RAB22A: variants seen among roughly 807,000 people sequenced by gnomAD.
The protein encoded by RAB22A is RAB22A, member RAS oncogene family.
In RAB22A, 13 loss-of-function variants were observed where a neutral mutation model predicts 30.2. That is an observed-to-expected ratio of 0.43 (90% confidence interval 0.28 to 0.68). The LOEUF (loss-of-function observed/expected upper bound fraction) is 0.68. RAB22A is among the 30% of genes least tolerant of loss of function. RAB22A has a pLI of 0.18. For missense variants in RAB22A, 177 were observed against 246.8 expected, an observed-to-expected ratio of 0.72 and a Z score of 1.89; for synonymous variants, 89 against 87.2, an observed-to-expected ratio of 1.02 and a Z score of -0.11.
chr20:58,359,728 A>G lies in RAB22A; in HGVS notation c.*25A>G, dbSNP rs1303960849. 1 of 1,566,190 alleles carries G rather than the reference A, an allele frequency of 6.4e-7. No homozygotes were observed. Among genetic ancestry groups the G allele is most frequent in the Admixed American group, 1.7e-5 (1 of 59,646 alleles). ...ACCGAACCTCAGCCTCTCAGACTTGATGATGAAGTAGGTGGTCCTGAAAGT... is the reference window on the plus strand; with the variant it reads ...ACCGAACCTCAGCCTCTCAGACTTGGTGATGAAGTAGGTGGTCCTGAAAGT... On this transcript the variant is annotated 3_prime_UTR_variant, in exon 7 of 7. Coordinates refer to ENST00000244040, the MANE Select transcript of RAB22A (RefSeq NM_020673.3).
chr20:58,331,790 A>G (rs1317427359), intron 2 of RAB22A, among the ~76,000 whole-genome samples: 1 of 152,008 alleles, frequency 6.6e-6, no homozygotes, highest in Admixed American at 6.6e-5. Context: ...TTTCTTGCAT[A>G]GTCTGTGTCT....
At position 58,363,826 on chromosome 20, in the gene RAB22A, G is replaced by C. The variant is rs958947868; in HGVS notation, c.*4123G>C. On this transcript the variant is annotated 3_prime_UTR_variant, in exon 7 of 7. Coordinates refer to ENST00000244040, the MANE Select transcript of RAB22A (RefSeq NM_020673.3). The stretch of plus-strand genomic sequence containing the variant: ...TAGGATATTTGTTTTAACTCCTGCT[G>C]TGCTGTGATTTAAAAAAAAATAGTC... The C allele has an allele frequency of 1.3e-5, 2 of 152,110 alleles. No individual in the cohort carries two copies. Among genetic ancestry groups the C allele is most frequent in the Admixed American group, 1.3e-4 (2 of 15,272 alleles). The allele number at this position is 152,110 out of a possible 1,614,324, so 9.4% of individuals were successfully genotyped here.
chr20:58,313,384 C>T (rs1264027930), intron 2 of RAB22A, among the ~76,000 whole-genome samples: 1 of 152,104 alleles, frequency 6.6e-6, no homozygotes, highest in Non-Finnish European at 1.5e-5. Context: ...GTGACCAACC[C>T]CAAACATGCC....
chr20:58,317,789 G>A (rs962081367), intron 2 of RAB22A, among the ~76,000 whole-genome samples: 1 of 150,586 alleles, frequency 6.6e-6, no homozygotes, highest in Admixed American at 6.6e-5. Context: ...CTCGTGATCC[G>A]CCTGCCTTGG....
At chr20:58,311,844 T>C (rs1472464944) in intron 2 of RAB22A, among the ~76,000 whole-genome samples, 1 of 152,238 alleles carries the variant, frequency 6.6e-6, no homozygotes, top group Admixed American at 6.5e-5. Flanking sequence ...AAATTGGCCT[T>C]TGTGCTCCAT....
At chr20:58,331,766 A>G (rs1211095238) in intron 2 of RAB22A, among the ~76,000 whole-genome samples, 1 of 151,920 alleles carries the variant, frequency 6.6e-6, no homozygotes, top group Non-Finnish European at 1.5e-5. Context: ...CACCCCTAAA[A>G]TGTCACAACA....
At position 58,328,270 on chromosome 20, in the gene RAB22A, C is replaced by A. The variant is rs6100025; in HGVS notation, c.117-15448C>A. Among the ~76,000 whole-genome samples the A allele has an allele frequency of 7.4e-3, 1,126 of 152,198 alleles. 16 individuals carry two copies. The highest frequency in any genetic ancestry group is 0.024 in the African/African-American group (1,007 of 41,506). ...GATCACAGCTCACTGCAGTCACAAC[C>A]CCCCAGGCTCAAGCGATCCTCCCAC... On this transcript the variant is annotated intron_variant, in intron 2 of 6. Coordinates refer to ENST00000244040, the MANE Select transcript of RAB22A (RefSeq NM_020673.3).
At chr20:58,329,769 A>G (rs1986632118) in intron 2 of RAB22A, among the ~76,000 whole-genome samples, 1 of 152,074 alleles carries the variant, frequency 6.6e-6, no homozygotes, top group South Asian at 2.1e-4. Context: ...GGAGGCTCTG[A>G]GTTTGTGTCC....
intron 6 of RAB22A, among the ~76,000 whole-genome samples, chr20:58,357,217 C>T (rs984728133): frequency 6.6e-6 from 1 of 152,148 alleles, no homozygotes; most frequent in Admixed American, 6.5e-5. Flanking sequence ...TTAATGAAGT[C>T]GAGCACATTT....
At chr20:58,350,006 A>G in intron 3 of RAB22A, among the ~76,000 whole-genome samples, 1 of 152,214 alleles carries the variant, frequency 6.6e-6, no homozygotes, top group Non-Finnish European at 1.5e-5. Context: ...TCATGCCTTT[A>G]ATCCCAGCAC....
At position 58,309,866 on chromosome 20, in the gene RAB22A, C is replaced by G; in HGVS notation, c.-111C>G. 9.1e-7 allele frequency: 1 copy of G among 1,100,016 alleles called. No individual in the cohort carries two copies. Among genetic ancestry groups the G allele is most frequent in the Non-Finnish European group, 1.2e-6 (1 of 857,756 alleles). The allele number at this position is 1,100,016 out of a possible 1,614,324, so 68.1% of individuals were successfully genotyped here. A position where few individuals can be genotyped will look rare whatever the true frequency, so the allele number is the denominator to read the frequency against. On this transcript the variant is annotated 5_prime_UTR_variant, in exon 1 of 7. Transcript: ENST00000244040. The stretch of plus-strand genomic sequence containing the variant: ...CGGGCGGCAGCCGCCTCTGCGCGGA[C>G]CGGGGCTGGGCCGTGCGGCGGCAGC...
rs1987197037 is a variant in RAB22A at position 58,359,909 on chromosome 20, C to T, written c.*206C>T. On this transcript the variant is annotated 3_prime_UTR_variant, in exon 7 of 7. Transcript: ENST00000244040. ...TGAACTTCTATTATGTAAAGAATCT[C>T]TAGTGTACAAAGGGACTACATCGTT... 2 of 381,266 alleles carry T rather than the reference C, an allele frequency of 5.2e-6. No homozygotes were observed. Among genetic ancestry groups the T allele is most frequent in the South Asian group, 7.8e-5 (2 of 25,632 alleles). 23.6% of individuals were successfully genotyped at this position (381,266 alleles called of 1,614,324 possible). A position where few individuals can be genotyped will look rare whatever the true frequency, so the allele number is the denominator to read the frequency against.
chr20:58,361,737 G>C lies in RAB22A; in HGVS notation c.*2034G>C, dbSNP rs867570394. Reference sequence around the variant, plus strand: ...GGTTGCTTGACTCATTACCAAAGAGGCAAAGCATGTGCGACCCTTTCTGTC... The same window carrying C: ...GGTTGCTTGACTCATTACCAAAGAGCCAAAGCATGTGCGACCCTTTCTGTC... On this transcript the variant is annotated 3_prime_UTR_variant, in exon 7 of 7. Transcript: ENST00000244040. 1 of 152,112 alleles carries C rather than the reference G, an allele frequency of 6.6e-6. No individual in the cohort carries two copies. Among genetic ancestry groups the C allele is most frequent in the African/African-American group, 2.4e-5 (1 of 41,412 alleles). The allele number at this position is 152,112 out of a possible 1,614,324, so 9.4% of individuals were successfully genotyped here. A position where few individuals can be genotyped will look rare whatever the true frequency, so the allele number is the denominator to read the frequency against.
At chr20:58,337,640 C>T (rs1255490921) in intron 2 of RAB22A, among the ~76,000 whole-genome samples, 1 of 152,172 alleles carries the variant, frequency 6.6e-6, no homozygotes, top group African/African-American at 2.4e-5. Context: ...CTCACCTTGC[C>T]TGCCTGGTGT....
At chr20:58,318,680 CT>C (rs1327895449) in intron 2 of RAB22A, among the ~76,000 whole-genome samples, 1 of 151,986 alleles carries the variant, frequency 6.6e-6, no homozygotes, top group Non-Finnish European at 1.5e-5. Context: ...TCTACTGATT[CT>C]TTTTCTTTGG....
intron 6 of RAB22A, among the ~76,000 whole-genome samples, chr20:58,356,171 C>T (rs1159943184): frequency 1.3e-5 from 2 of 151,946 alleles, no homozygotes; most frequent in African/African-American, 4.8e-5. Context: ...ATTAGCTGGG[C>T]GTGGTGGTGC....
chr20:58,362,278 G>A lies in RAB22A; in HGVS notation c.*2575G>A, dbSNP rs1987239872. 1 of 152,184 alleles carries A rather than the reference G, an allele frequency of 6.6e-6. No individual in the cohort carries two copies. The highest frequency in any genetic ancestry group is 1.9e-4 in the East Asian group (1 of 5,202). 9.4% of individuals were successfully genotyped at this position (152,184 alleles called of 1,614,324 possible). A position where few individuals can be genotyped will look rare whatever the true frequency, so the allele number is the denominator to read the frequency against. On this transcript the variant is annotated 3_prime_UTR_variant, in exon 7 of 7. Transcript: ENST00000244040. ...TTATTTGCTTCTAAAATGCAAAGAT[G>A]AATACTAAAGTCAGAAGCAGTGTTT...
At chr20:58,356,715 A>G (rs1987135076) in intron 6 of RAB22A, among the ~76,000 whole-genome samples, 1 of 152,112 alleles carries the variant, frequency 6.6e-6, no homozygotes, top group South Asian at 2.1e-4. Context: ...TTTGTACTTT[A>G]TATTTTTAAA....
intron 2 of RAB22A, among the ~76,000 whole-genome samples, chr20:58,312,371 A>G (rs1266840200): frequency 8.0e-6 from 1 of 124,802 alleles, no homozygotes; most frequent in Non-Finnish European, 1.6e-5. Context: ...TCATCCTTCC[A>G]CCTCAGGTAG....
Sources: gnomAD v4.1 joint callset for allele counts (sites outside exome capture counted in the v4.1 genomes callset) on GRCh38, gnomAD v4.1.1 for gene constraint, MANE v1.5 for transcripts, NCBI Gene and HGNC (gene_info 2026-07-23, HGNC 2026-07-21) for gene names.